The following TSPAN5 variants were observed in gnomAD, a reference collection of about 807,000 sequenced individuals.
TSPAN5 encodes the protein tetraspanin 5.
Under a neutral mutation model 37.1 loss-of-function variants are expected in TSPAN5, and 10 were observed. That is an observed-to-expected ratio of 0.27 (90% CI 0.17 to 0.46). The LOEUF is 0.46. Ranked by LOEUF, TSPAN5 falls within the 20% of genes least tolerant of loss-of-function variation. The pLI is 1.00. For missense variants in TSPAN5, 195 were observed against 326.6 expected (o/e 0.60, Z 3.11); for synonymous variants, 110 against 118.9 (o/e 0.93, Z 0.48).
intron 1 of TSPAN5, among the ~76,000 whole-genome samples, chr4:98,550,230 C>T (rs1406202227): frequency 6.6e-6 from 1 of 152,078 alleles, no homozygotes; most frequent in African/African-American, 2.4e-5. Flanking sequence ...CTATTCTATT[C>T]CACTGATCTA....
chr4:98,479,984 T>G (rs886628340), intron 4 of TSPAN5, among the ~76,000 whole-genome samples: 2 of 152,084 alleles, frequency 1.3e-5, no homozygotes, highest in Non-Finnish European at 2.9e-5. Flanking sequence ...CCACCCTCAC[T>G]AAACTTAATA....
intron 1 of TSPAN5, among the ~76,000 whole-genome samples, chr4:98,614,361 C>A (rs192420645): frequency 4.6e-5 from 7 of 152,350 alleles, no homozygotes; most frequent in Admixed American, 3.3e-4. Context: ...ATCCCCTTGC[C>A]TGGGCTGTGG....
At chr4:98,506,241 A>C (rs1459433521) in intron 2 of TSPAN5, among the ~76,000 whole-genome samples, 1 of 152,196 alleles carries the variant, frequency 6.6e-6, no homozygotes, top group Non-Finnish European at 1.5e-5. Flanking sequence ...ACAAATTTCC[A>C]AGTTCACAAT....
At chr4:98,615,270 C>A (rs1756297196) in intron 1 of TSPAN5, among the ~76,000 whole-genome samples, 1 of 152,238 alleles carries the variant, frequency 6.6e-6, no homozygotes, top group Admixed American at 6.5e-5. Context: ...ACTGGACAGG[C>A]TGCCCCTGTT....
intron 1 of TSPAN5, among the ~76,000 whole-genome samples, chr4:98,637,456 A>G (rs6532756): frequency 0.24 from 36,087 of 152,152 alleles, 4,487 homozygotes; most frequent in Middle Eastern, 0.29. Context: ...AATAATTTTC[A>G]CATATTATTA....
Position 98,565,805 on chromosome 4 carries a change from G to A in TSPAN5, c.82-58077C>T, listed in dbSNP as rs1389542227. The stretch of plus-strand genomic sequence containing the variant: ...TTCCCTCCTTTTTCAGTGGCCTAGA[G>A]TACATGCTTCACCTGCATGCCCCAT... On this transcript the variant is annotated intron_variant, in intron 1 of 7. Transcript: ENST00000305798. 2.0e-5 allele frequency among the ~76,000 whole-genome samples: 3 copies of A among 152,152 alleles called. No individual in the cohort carries two copies. The South Asian group carries it at 6.2e-4, about 32-fold the overall frequency.
intron 2 of TSPAN5, chr4:98,496,620 C>A (rs1397617409): frequency 6.6e-6 from 1 of 152,212 alleles, no homozygotes; most frequent in Admixed American, 6.5e-5. Flanking sequence ...CAAGTAGCTG[C>A]TGGGGAGGCC....
intron 1 of TSPAN5, among the ~76,000 whole-genome samples, chr4:98,570,138 T>C (rs1012939426): frequency 6.6e-6 from 1 of 152,246 alleles, no homozygotes; most frequent in Non-Finnish European, 1.5e-5. Flanking sequence ...TTTCATCTTC[T>C]TGAAGTTTTG....
chr4:98,550,992 A>T (rs1400845621), intron 1 of TSPAN5, among the ~76,000 whole-genome samples: 1 of 152,122 alleles, frequency 6.6e-6, no homozygotes, highest in African/African-American at 2.4e-5. Context: ...TTTTCCTATT[A>T]AGTATGATGT....
At chr4:98,638,563 TA>T (rs1756904520) in intron 1 of TSPAN5, among the ~76,000 whole-genome samples, 1 of 152,344 alleles carries the variant, frequency 6.6e-6, no homozygotes, top group South Asian at 2.1e-4. Flanking sequence ...TTTATTATTT[TA>T]AAAAATTACA....
intron 1 of TSPAN5, among the ~76,000 whole-genome samples, chr4:98,583,084 G>A (rs2866016): frequency 0.78 from 119,237 of 152,098 alleles, 47,449 homozygotes; most frequent in African/African-American, 0.92. Context: ...ACCCAACTTC[G>A]ACTTGTCAAC....
At chr4:98,524,756 CTA>C (rs1008746939) in intron 1 of TSPAN5, among the ~76,000 whole-genome samples, 2 of 151,864 alleles carry the variant, frequency 1.3e-5, no homozygotes, top group African/African-American at 4.8e-5. Flanking sequence ...TCATAAGTCC[CTA>C]TTAACTGTTC....
intron 1 of TSPAN5, among the ~76,000 whole-genome samples, chr4:98,603,626 C>T (rs1755936604): frequency 6.6e-6 from 1 of 152,180 alleles, no homozygotes; most frequent in African/African-American, 2.4e-5. Flanking sequence ...AGGAACTGGA[C>T]AGAACAGTTG....
Position 98,484,313 on chromosome 4 carries a change from T to C in TSPAN5, c.280-2138A>G, listed in dbSNP as rs547620393. ...ATTTTGCAGTATCTTAGTTCCTAGATTTTCCCTCAGCAAGTCTCCTAGGGG... is the reference window on the plus strand; with the variant it reads ...ATTTTGCAGTATCTTAGTTCCTAGACTTTCCCTCAGCAAGTCTCCTAGGGG... On this transcript the variant is annotated intron_variant, in intron 3 of 7. Coordinates refer to ENST00000305798, the MANE Select transcript of TSPAN5 (RefSeq NM_005723.4). 58 of 394,454 alleles carry C rather than the reference T, an allele frequency of 1.5e-4. No homozygotes were observed. In the East Asian group the frequency reaches 2.0e-3, roughly 14 times the overall value. The allele number at this position is 394,454 out of a possible 1,614,324, so 24.4% of individuals were successfully genotyped here. A position where few individuals can be genotyped will look rare whatever the true frequency, so the allele number is the denominator to read the frequency against.
intron 1 of TSPAN5, among the ~76,000 whole-genome samples, chr4:98,561,658 A>G (rs1754885643): frequency 1.3e-5 from 2 of 152,220 alleles, no homozygotes; most frequent in Non-Finnish European, 2.9e-5. Context: ...CAAAGAAAGG[A>G]AGAAAATACA....
rs114131917 is a variant in TSPAN5, at chr4:98,495,800, C to G, written c.133-8916G>C. Among the ~76,000 whole-genome samples the G allele has an allele frequency of 3.7e-3, 555 of 151,970 alleles. 5 individuals carry two copies. Among genetic ancestry groups the G allele is most frequent in the African/African-American group, 0.013 (537 of 41,496 alleles). Reference sequence around the variant, plus strand: ...TTTCATCACCAGCACAGAGGAGCCTCTGTGTGCCACCTGGCAAGCTTCTTC... The same window carrying G: ...TTTCATCACCAGCACAGAGGAGCCTGTGTGTGCCACCTGGCAAGCTTCTTC... On this transcript the variant is annotated intron_variant, in intron 2 of 7. Transcript: ENST00000305798.
chr4:98,497,100 G>A (rs1160508644), intron 2 of TSPAN5, among the ~76,000 whole-genome samples: 2 of 152,034 alleles, frequency 1.3e-5, no homozygotes, highest in African/African-American at 4.8e-5. Context: ...ACTGAGGCGG[G>A]CAGATCATGA....
chr4:98,546,283 AC>A (rs1754467395), intron 1 of TSPAN5, among the ~76,000 whole-genome samples: 1 of 152,168 alleles, frequency 6.6e-6, no homozygotes. Context: ...TACTGAAAAT[AC>A]ATAAAGTTGG....
At chr4:98,626,170 C>T (rs1756595764) in intron 1 of TSPAN5, among the ~76,000 whole-genome samples, 2 of 146,040 alleles carry the variant, frequency 1.4e-5, no homozygotes, top group Admixed American at 1.4e-4. Flanking sequence ...TCACGAACAG[C>T]CCAGGTACAT....
Sources: gnomAD v4.1 joint callset for allele counts (sites outside exome capture counted in the v4.1 genomes callset) on GRCh38, gnomAD v4.1.1 for gene constraint, MANE v1.5 for transcripts, NCBI Gene and HGNC (gene_info 2026-07-23, HGNC 2026-07-21) for gene names.